The following FBXW11 variants were observed in gnomAD, a reference collection of about 807,000 sequenced individuals.
FBXW11 encodes F-box and WD repeat domain containing 11, also known as F-box/WD repeat-containing protein 11.
Under a neutral mutation model 77.6 loss-of-function variants are expected in FBXW11, and 19 were observed. The ratio of observed to expected loss-of-function variants is 0.24; its 90% CI spans 0.17 to 0.36. The LOEUF (loss-of-function observed/expected upper bound fraction) is 0.36. Ranked by LOEUF, FBXW11 falls within the 10% of genes least tolerant of loss-of-function variation. The pLI is 1.00. For missense variants in FBXW11, 334 were observed against 704.2 expected, an observed-to-expected ratio of 0.47 and a Z score of 5.95; for synonymous variants, 235 against 249.4, an observed-to-expected ratio of 0.94 and a Z score of 0.54.
intron 1 of FBXW11, among the ~76,000 whole-genome samples, chr5:172,002,600 G>A (rs1240291292): frequency 2.0e-4 from 29 of 142,628 alleles, no homozygotes; most frequent in African/African-American, 7.1e-4. Flanking sequence ...CTCACCCCGA[G>A]AAAGTCAATG....
Position 171,909,685 on chromosome 5 carries a change from ATG to A in FBXW11, c.436+885_436+886del, listed in dbSNP as rs111850090. On this transcript the variant is annotated intron_variant, in intron 4 of 13. Transcript: ENST00000517395. ...TAAAAATCAAAGTAAATTTAACCAGATGTGTGTGTGTGTGTGTGTGTGCACGT... is the reference window on the plus strand; with the variant it reads ...TAAAAATCAAAGTAAATTTAACCAGATGTGTGTGTGTGTGTGTGTGCACGT... Among the ~76,000 whole-genome samples, 958 of 149,462 alleles carry A rather than the reference ATG, an allele frequency of 6.4e-3. 6 individuals carry two copies. The highest frequency in any genetic ancestry group is 0.016 in the African/African-American group (655 of 40,906).
chr5:171,966,341 G>A (rs532789449), intron 1 of FBXW11, among the ~76,000 whole-genome samples: 12 of 151,062 alleles, frequency 7.9e-5, no homozygotes, highest in Admixed American at 7.2e-4. Context: ...GAAATCCAAA[G>A]GAAAAAAAAA....
At chr5:171,865,375 A>ATTT (rs1289915935) in intron 13 of FBXW11, among the ~76,000 whole-genome samples, 1 of 152,154 alleles carries the variant, frequency 6.6e-6, no homozygotes, top group Non-Finnish European at 1.5e-5. Context: ...AAAGGGTTGG[A>ATTT]CAAATATTAG....
In FBXW11 at chr5:171,977,925, A is replaced by T. The variant is rs558303501; in HGVS notation, c.46-20227T>A. Among the ~76,000 whole-genome samples, 39 of 152,262 alleles carry T rather than the reference A, an allele frequency of 2.6e-4. 1 individual carries two copies. In the South Asian group the frequency reaches 8.1e-3, roughly 32 times the overall value. ...CAAACCATATCAATTTGTAAACTAC[A>T]GTTACATTAACAGCTGTAAAAATAA... On this transcript the variant is annotated intron_variant, in intron 1 of 13. Transcript: ENST00000517395.
intron 2 of FBXW11, among the ~76,000 whole-genome samples, chr5:171,943,613 C>T (rs747950371): frequency 2.6e-5 from 4 of 152,180 alleles, no homozygotes; most frequent in Non-Finnish European, 5.9e-5. Context: ...CATGCGCCAC[C>T]ACACCCAGCT....
chr5:171,868,577 A>G, intron 13 of FBXW11, 33 bp downstream of exon 13: 2 of 1,534,230 alleles, frequency 1.3e-6, no homozygotes, highest in Middle Eastern at 4.8e-4. Flanking sequence ...GAATTCAATC[A>G]GCAAAATTGG....
chr5:171,901,886 G>A (rs1760139796), intron 4 of FBXW11, among the ~76,000 whole-genome samples: 1 of 152,144 alleles, frequency 6.6e-6, no homozygotes, highest in Non-Finnish European at 1.5e-5. Context: ...AGAAGAGTGG[G>A]TATTCCACAC....
chr5:171,890,376 A>G (rs542412051), intron 7 of FBXW11, among the ~76,000 whole-genome samples: 1 of 151,626 alleles, frequency 6.6e-6, no homozygotes, highest in East Asian at 2.0e-4. Context: ...CAAAAAAATT[A>G]GCTGGGCGTG....
intron 2 of FBXW11, among the ~76,000 whole-genome samples, chr5:171,934,435 T>C (rs1025738946): frequency 1.3e-5 from 2 of 152,042 alleles, no homozygotes; most frequent in Admixed American, 1.3e-4. Flanking sequence ...TCCCAGCACT[T>C]TGGGGGCCGA....
intron 2 of FBXW11, among the ~76,000 whole-genome samples, chr5:171,920,700 T>C (rs997898203): frequency 2.0e-5 from 3 of 151,962 alleles, no homozygotes; most frequent in African/African-American, 7.3e-5. Context: ...TTCATCTCTA[T>C]AAAAAAGCAA....
chr5:171,957,903 C>T (rs956070701), intron 1 of FBXW11, among the ~76,000 whole-genome samples: 9 of 152,166 alleles, frequency 5.9e-5, no homozygotes, highest in Non-Finnish European at 1.0e-4. Flanking sequence ...CTGCTGCCAA[C>T]CACTAATTTC....
chr5:171,916,252 G>GAA (rs1162726582), intron 2 of FBXW11, among the ~76,000 whole-genome samples: 3 of 45,798 alleles, frequency 6.6e-5, no homozygotes, highest in South Asian at 1.9e-3. Flanking sequence ...AAAAAAAAAT[G>GAA]AGAAAAAAAA....
At chr5:171,960,777 A>G (rs1274941826) in intron 1 of FBXW11, among the ~76,000 whole-genome samples, 1 of 152,264 alleles carries the variant, frequency 6.6e-6, no homozygotes, top group African/African-American at 2.4e-5. Flanking sequence ...AATACTCATA[A>G]CAATGTGGAA....
At chr5:171,964,888 C>A (rs1311007639) in intron 1 of FBXW11, among the ~76,000 whole-genome samples, 1 of 152,086 alleles carries the variant, frequency 6.6e-6, no homozygotes, top group Admixed American at 6.5e-5. Flanking sequence ...TGATAGTAAA[C>A]ATGTGACATG....
chr5:171,916,256 A>G (rs1249834185), intron 2 of FBXW11, among the ~76,000 whole-genome samples: 1 of 142,124 alleles, frequency 7.0e-6, no homozygotes, highest in African/African-American at 3.0e-5. Context: ...AAAAATGAGA[A>G]AAAAAAAAAA....
Position 171,904,717 on chromosome 5 carries a change from G to A in FBXW11, c.437-4617C>T, listed in dbSNP as rs775866432. 1.1e-4 allele frequency among the ~76,000 whole-genome samples: 17 copies of A among 151,886 alleles called. No individual in the cohort carries two copies. Among genetic ancestry groups the A allele is most frequent in the Admixed American group, 5.9e-4 (9 of 15,238 alleles). On this transcript the variant is annotated intron_variant, in intron 4 of 13. Coordinates refer to ENST00000517395, the MANE Select transcript of FBXW11 (RefSeq NM_001378974.1). This position sits in a 1 kb window ranked among gnomAD's most constrained non-coding sequence, Gnocchi z 4.0. ...CTCCCGAGTAGCTGGGACTACAGGC[G>A]CACACCACCATGCCCAGGTAATTTT...
chr5:171,991,316 C>A (rs1156617397), intron 1 of FBXW11, among the ~76,000 whole-genome samples: 10 of 152,060 alleles, frequency 6.6e-5, no homozygotes, highest in African/African-American at 2.4e-4. Context: ...AAATAGCATA[C>A]GACAAAAATA....
chr5:171,979,073 T>C lies in FBXW11; in HGVS notation c.46-21375A>G, dbSNP rs12659936. Among the ~76,000 whole-genome samples, 60 of 152,260 alleles carry C rather than the reference T, an allele frequency of 3.9e-4. 3 individuals carry two copies. In the East Asian group the frequency reaches 0.012, roughly 29 times the overall value. The stretch of plus-strand genomic sequence containing the variant: ...AACCTTTGGCTATATGAAATACTCA[T>C]GCTCTTAAAAAAAGTTAGAGACCAT... On this transcript the variant is annotated intron_variant, in intron 1 of 13. Transcript: ENST00000517395.
At chr5:171,890,155 G>A (rs1025297832) in intron 7 of FBXW11, among the ~76,000 whole-genome samples, 2 of 151,932 alleles carry the variant, frequency 1.3e-5, no homozygotes, top group Non-Finnish European at 1.5e-5. Flanking sequence ...AGCAAAATGA[G>A]GTATGTTCAC....
Sources: allele counts gnomAD v4.1 joint callset (sites outside exome capture counted in the v4.1 genomes callset), GRCh38; gene constraint gnomAD v4.1.1; non-coding constraint Gnocchi (gnomAD v3.1); transcripts MANE v1.5; gene names NCBI Gene and HGNC (gene_info 2026-07-23, HGNC 2026-07-21).